The following MAPKBP1 variants were observed in gnomAD, a reference collection of about 807,000 sequenced individuals.
The protein encoded by MAPKBP1 is mitogen-activated protein kinase binding protein 1, also known as mitogen-activated protein kinase-binding protein 1.
Under a neutral mutation model 170.5 loss-of-function variants are expected in MAPKBP1, and 71 were observed. The observed-to-expected ratio is 0.42, with a 90% confidence interval of 0.34 to 0.51. MAPKBP1 has a LOEUF of 0.51. Among genes scored for constraint, MAPKBP1 ranks in the 20% least tolerant of loss-of-function variants. The pLI, the probability that MAPKBP1 is intolerant of heterozygous loss-of-function variation, is 0.06. For missense variants in MAPKBP1, 1,598 were observed against 1,933.0 expected, an observed-to-expected ratio of 0.83 and a Z score of 3.25; for synonymous variants, 719 against 757.9, an observed-to-expected ratio of 0.95 and a Z score of 0.84.
intron 5 of MAPKBP1, 99 bp downstream of exon 5, chr15:41,811,334 A>C (rs1306773485): frequency 7.6e-7 from 1 of 1,317,646 alleles, no homozygotes; most frequent in Non-Finnish European, 1.1e-6. Flanking sequence ...TTGGCTTCTG[A>C]AACAGACACC....
chr15:41,822,098 C>T lies in MAPKBP1; in HGVS notation c.3019C>T (p.His1007Tyr), dbSNP rs1244670976. The T allele has an allele frequency of 6.2e-7, 1 of 1,606,516 alleles. No individual in the cohort carries two copies. The highest frequency in any genetic ancestry group is 2.2e-5 in the East Asian group (1 of 44,526). The change falls in exon 25 of 31, where the codon CAC becomes TAC. Residue 1007 changes from histidine (H) to tyrosine (Y), a missense_variant. Around this residue, in one of 6 missense-constraint regions of MAPKBP1, gnomAD observed 942 missense variants for 953.2 expected, o/e 0.99. Transcript: ENST00000457542. ...YSSSCLSSPE[H>Y]PTEDSESTEP... ...CAGCAGCTGCCTTTCCAGCCCGGAG[C>T]ACCCCACTGAAGGTGAGGCTGTAGC... is the stretch of plus-strand genomic sequence containing the variant.
Position 41,827,206 on chromosome 15 carries a change from A to C in MAPKBP1, c.*1770A>C, listed in dbSNP as rs2065120755. On this transcript the variant is annotated 3_prime_UTR_variant, in exon 31 of 31. Transcript: ENST00000457542. ...CTACTCGGGAGGTTTAGGCAGGAGA[A>C]TCGCTTGAACCCTGGAGGTGGAGGT... is the stretch of plus-strand genomic sequence containing the variant. 1 of 151,344 alleles carries C rather than the reference A, an allele frequency of 6.6e-6. No individual in the cohort carries two copies. The allele number at this position is 151,344 out of a possible 1,614,324, so 9.4% of individuals were successfully genotyped here.
rs56058296 is a variant in MAPKBP1, at chr15:41,806,923, C to T, written c.207-3960C>T. ...TCAGGAGGGCCTCAAGTCAAGCACA[C>T]AAGGAGCCCTGGCTATGCTGCTCTC... On this transcript the variant is annotated intron_variant, in intron 3 of 30. Transcript: ENST00000457542. Among the ~76,000 whole-genome samples, 646 of 152,340 alleles carry T rather than the reference C, an allele frequency of 4.2e-3. 5 individuals are homozygous for T. Among genetic ancestry groups the T allele is most frequent in the African/African-American group, 0.015 (613 of 41,578 alleles).
chr15:41,786,587 AC>A (rs1220606199), intron 2 of MAPKBP1, among the ~76,000 whole-genome samples: 1 of 150,368 alleles, frequency 6.7e-6, no homozygotes, highest in Admixed American at 6.6e-5. Context: ...ACACGGTGAA[AC>A]CCCGTCTCTA....
At chr15:41,816,820 A>T (rs1817087842) in intron 13 of MAPKBP1, 90 bp from the exon 14 acceptor site, 1 of 1,536,062 alleles carries the variant, frequency 6.5e-7, no homozygotes, top group Non-Finnish European at 8.8e-7. Context: ...GCTTGGGGAT[A>T]TGGGGCTCAG....
rs866999444 is a variant in MAPKBP1 at position 41,811,290 on chromosome 15, C to T, written c.327+55C>T. ...TAAAGAGGGCAGGTGTCCTGGCCTC[C>T]GCAGAGAGCTGCGGTCCTAGGCCTG... is the stretch of plus-strand genomic sequence containing the variant. On this transcript the variant is annotated intron_variant, in intron 5 of 30. Coordinates refer to ENST00000457542, the MANE Select transcript of MAPKBP1 (RefSeq NM_014994.3). 128 of 1,590,452 alleles carry T rather than the reference C, an allele frequency of 8.0e-5. No individual in the cohort carries two copies. In the Middle Eastern group the frequency reaches 8.3e-4, roughly 10 times the overall value.
intron 21 of MAPKBP1, 48 bp from the exon 22 acceptor site, chr15:41,819,547 C>CGGGGA (rs1555454020): frequency 4.1e-6 from 5 of 1,228,204 alleles, no homozygotes; most frequent in Non-Finnish European, 4.4e-6. Context: ...GGTTGGGTGG[C>CGGGGA]GGGGGGGGGG....
At chr15:41,776,960 A>G (rs1397594407) in intron 2 of MAPKBP1, among the ~76,000 whole-genome samples, 1 of 152,218 alleles carries the variant, frequency 6.6e-6, no homozygotes. Flanking sequence ...CAATTAAAAC[A>G]CGGTGTGGTA....
At chr15:41,811,610 C>T (rs904497405) in intron 5 of MAPKBP1, 11 of 613,444 alleles carry the variant, frequency 1.8e-5, no homozygotes, top group South Asian at 3.0e-5. Context: ...TCAGGAGGAA[C>T]GCTTCTGTCC....
At chr15:41,776,144 C>G (rs913516307) in intron 2 of MAPKBP1, among the ~76,000 whole-genome samples, 3 of 152,208 alleles carry the variant, frequency 2.0e-5, no homozygotes, top group African/African-American at 7.2e-5. Flanking sequence ...CAGAAGTAGT[C>G]GACATTTATT....
rs2065047821 is a variant in MAPKBP1 at position 41,823,980 on chromosome 15, A to AACTTGCAGCCCCC, written c.4135_4147dup (p.Pro1383LeufsTer7). On this transcript the variant is annotated frameshift_variant, in exon 29 of 31. Coordinates refer to ENST00000457542, the MANE Select transcript of MAPKBP1 (RefSeq NM_014994.3). LOFTEE classifies it high-confidence loss of function. Reference sequence around the variant, plus strand: ...CAGCAGCCTCTTCCAAGGCCCTGAAAACTTGCAGCCCCCACCCCCTGAGAA... The same window carrying AACTTGCAGCCCCC: ...CAGCAGCCTCTTCCAAGGCCCTGAAAACTTGCAGCCCCCACTTGCAGCCCCCACCCCCTGAGAA... The AACTTGCAGCCCCC allele has an allele frequency of 6.2e-7, 1 of 1,613,594 alleles. No individual in the cohort carries two copies. Among genetic ancestry groups the AACTTGCAGCCCCC allele is most frequent in the African/African-American group, 1.3e-5 (1 of 74,798 alleles).
intron 2 of MAPKBP1, among the ~76,000 whole-genome samples, chr15:41,779,555 G>C (rs2064150328): frequency 6.6e-6 from 1 of 151,980 alleles, no homozygotes; most frequent in Non-Finnish European, 1.5e-5. Flanking sequence ...ATGTTGCTCA[G>C]GCTGGTCTCA....
At chr15:41,775,012 C>T in intron 1 of MAPKBP1, 155 bp from the exon 2 acceptor site, 1 of 456,624 alleles carries the variant, frequency 2.2e-6, no homozygotes, top group Admixed American at 3.9e-5. Context: ...CCCCCTTTTT[C>T]GTGAGCCTTT....
intron 2 of MAPKBP1, among the ~76,000 whole-genome samples, chr15:41,790,660 T>C (rs2064380147): frequency 1.3e-5 from 2 of 152,196 alleles, no homozygotes; most frequent in Admixed American, 1.3e-4. Flanking sequence ...TTTGTCACAT[T>C]GGAAGTTATT....
chr15:41,816,458 CA>C (rs2064892696), intron 12 of MAPKBP1, 100 bp from the exon 13 acceptor site: 12 of 788,222 alleles, frequency 1.5e-5, no homozygotes, highest in East Asian at 2.6e-5. Context: ...CCTAAAAGTT[CA>C]AAAAAAGGAA....
At chr15:41,799,962 C>G in intron 3 of MAPKBP1, 48 bp downstream of exon 3, 1 of 1,500,292 alleles carries the variant, frequency 6.7e-7, no homozygotes, top group Non-Finnish European at 9.3e-7. Context: ...AATTTATAGC[C>G]ACGCTAGAGC....
chr15:41,815,292 T>A lies in MAPKBP1; in HGVS notation c.1204T>A (p.Cys402Ser). 1 of 1,614,230 alleles carries A rather than the reference T, an allele frequency of 6.2e-7. No individual in the cohort carries two copies. The highest frequency in any genetic ancestry group is 1.1e-5 in the South Asian group (1 of 91,084). Residue 402 changes from cysteine to serine, a missense_variant, in exon 11 of 31, where the codon TGC (cysteine) becomes AGC (serine). Cys to Ser is a moderately radical substitution (Grantham distance 112, BLOSUM62 -1). This residue lies in a region of MAPKBP1 where 430 missense variants were observed against 617.2 expected (regional missense o/e 0.70). Transcript: ENST00000457542. ...CGAGGTGAAGGATAGTAACCAGGCC[T>A]GCCTGCCCCCCAGTTCCTTTATTAC... ...YPEVKDSNQACLPPSSFITCS... is the reference protein window; with the variant it reads ...YPEVKDSNQASLPPSSFITCS...
At chr15:41,789,983 C>T (rs1431508579) in intron 2 of MAPKBP1, among the ~76,000 whole-genome samples, 1 of 152,104 alleles carries the variant, frequency 6.6e-6, no homozygotes, top group Non-Finnish European at 1.5e-5. Context: ...ACCAGACAGC[C>T]CCAGGTCTAA....
chr15:41,809,734 C>T (rs747545190), intron 3 of MAPKBP1, among the ~76,000 whole-genome samples: 4 of 152,248 alleles, frequency 2.6e-5, no homozygotes, highest in African/African-American at 4.8e-5. Flanking sequence ...TTCTTGCCCC[C>T]GATTCCTACT....
Sources: gnomAD v4.1 joint callset for allele counts (sites outside exome capture counted in the v4.1 genomes callset) on GRCh38, gnomAD v4.1.1 for gene constraint, gnomAD v4.1.1 regional missense constraint, MANE v1.5 for transcripts, NCBI Gene and HGNC (gene_info 2026-07-23, HGNC 2026-07-21) for gene names.